The following PIP5K1A variants were observed in gnomAD, a reference collection of about 807,000 sequenced individuals.
PIP5K1A encodes phosphatidylinositol 4-phosphate 5-kinase type-1 alpha.
A neutral mutation model predicts 72.9 loss-of-function variants in PIP5K1A; 46 were observed. The ratio of observed to expected loss-of-function variants is 0.63; its 90% CI spans 0.50 to 0.81. The LOEUF is 0.81. Ranked by LOEUF, PIP5K1A falls within the 30% of genes least tolerant of loss-of-function variation. PIP5K1A has a pLI of 0.00. For missense variants in PIP5K1A, 458 were observed against 706.1 expected (o/e 0.65, Z 3.98); for synonymous variants, 228 against 255.1 (o/e 0.89, Z 1.01).
At chr1:151,225,747 G>T in intron 3 of PIP5K1A, among the ~76,000 whole-genome samples, 1 of 151,984 alleles carries the variant, frequency 6.6e-6, no homozygotes. Context: ...TGGGATTACA[G>T]GTGTGAGCCA....
At chr1:151,211,246 G>C (rs587652104) in intron 1 of PIP5K1A, among the ~76,000 whole-genome samples, 13 of 152,300 alleles carry the variant, frequency 8.5e-5, no homozygotes, top group South Asian at 4.1e-4. Flanking sequence ...CAGCACTTTG[G>C]GGGGCTGAGG....
At chr1:151,238,888 G>T (rs1400534779) in intron 10 of PIP5K1A, among the ~76,000 whole-genome samples, 1 of 152,088 alleles carries the variant, frequency 6.6e-6, no homozygotes, top group East Asian at 1.9e-4. Flanking sequence ...ATTTGTCAGG[G>T]ACATAAATTG....
intron 1 of PIP5K1A, among the ~76,000 whole-genome samples, chr1:151,204,698 T>C (rs1294672306): frequency 6.6e-6 from 1 of 152,242 alleles, no homozygotes; most frequent in Admixed American, 6.5e-5. Flanking sequence ...TTCTGTTTAC[T>C]CTCCATAGGG....
intron 3 of PIP5K1A, among the ~76,000 whole-genome samples, chr1:151,226,061 A>G (rs1255579318): frequency 1.4e-5 from 2 of 146,300 alleles, no homozygotes; most frequent in East Asian, 2.0e-4. Context: ...TTACAGGTGC[A>G]TGCCACACCA....
intron 14 of PIP5K1A, among the ~76,000 whole-genome samples, chr1:151,245,006 C>T (rs1187302206): frequency 6.6e-6 from 1 of 151,676 alleles, no homozygotes; most frequent in African/African-American, 2.4e-5. Flanking sequence ...ATCCTCCTCC[C>T]TCTGCCTCCT....
chr1:151,204,840 T>C (rs181163350), intron 1 of PIP5K1A, among the ~76,000 whole-genome samples: 11 of 152,368 alleles, frequency 7.2e-5, no homozygotes, highest in Admixed American at 3.9e-4. Flanking sequence ...TTGTCAGTTA[T>C]AATTAACTAG....
intron 1 of PIP5K1A, among the ~76,000 whole-genome samples, chr1:151,221,805 T>A (rs1688435088): frequency 6.6e-6 from 1 of 152,206 alleles, no homozygotes; most frequent in Admixed American, 6.5e-5. Context: ...GGTGCAGTGG[T>A]GCAGTCTGAT....
At chr1:151,219,851 C>CT (rs71237867) in intron 1 of PIP5K1A, among the ~76,000 whole-genome samples, 78,703 of 98,646 alleles carry the variant, frequency 0.8, 32,635 homozygotes, top group Non-Finnish European at 0.85. Flanking sequence ...ATATTCTTTC[C>CT]TTTTTTTTTT....
chr1:151,198,579 A>C lies in PIP5K1A; in HGVS notation c.-418A>C. The C allele has an allele frequency of 5.0e-6, 1 of 199,632 alleles. No individual in the cohort carries two copies. Among genetic ancestry groups the C allele is most frequent in the Non-Finnish European group, 1.0e-5 (1 of 95,376 alleles). 12.4% of individuals were successfully genotyped at this position (199,632 alleles called of 1,614,324 possible). A position where few individuals can be genotyped will look rare whatever the true frequency, so the allele number is the denominator to read the frequency against. On this transcript the variant is annotated 5_prime_UTR_variant, in exon 1 of 16. Transcript: ENST00000368888. ...TTTTTTGCTTGGCTACCCGGAGTGA[A>C]GCGGCCGGGTTGGGCGATTAACAGG... is the stretch of plus-strand genomic sequence containing the variant.
In PIP5K1A at chr1:151,198,978, G is replaced by C. The variant is rs587660322; in HGVS notation, c.-19G>C. 1.2e-6 allele frequency: 2 copies of C among 1,611,564 alleles called. No individual in the cohort carries two copies. The highest frequency in any genetic ancestry group is 1.7e-6 in the Non-Finnish European group (2 of 1,177,830). On this transcript the variant is annotated 5_prime_UTR_variant, in exon 1 of 16. Transcript: ENST00000368888. ...GATTGAAAGAGAGCCAGGCCGCTGA[G>C]GGGGAGGGGGCTGCTAAGATGGCGT... is the stretch of plus-strand genomic sequence containing the variant.
In PIP5K1A at chr1:151,239,993, A is replaced by G. The variant is rs753885253; in HGVS notation, c.1317A>G (p.Glu439=). Residue 439 remains glutamate (E), a synonymous_variant, in exon 12 of 16, where the codon GAA becomes GAG. Transcript: ENST00000368888. ...TGCATCGCCCAGGCTTCTACGCTGA[A>G]CGGTTCCAGCGCTTCATGTGCAACA... is the stretch of plus-strand genomic sequence containing the variant. ...VSVHRPGFYA[E]RFQRFMCNTV... is the part of the protein sequence containing the mutation. The G allele has an allele frequency of 1.9e-6, 3 of 1,612,902 alleles. No homozygotes were observed. In the East Asian group the frequency reaches 6.7e-5, roughly 36 times the overall value.
chr1:151,215,227 G>A (rs1358502542), intron 1 of PIP5K1A, among the ~76,000 whole-genome samples: 4 of 151,304 alleles, frequency 2.6e-5, no homozygotes, highest in Admixed American at 6.6e-5. Context: ...TAGTAAAGAC[G>A]GGGTTTCTCC....
intron 1 of PIP5K1A, among the ~76,000 whole-genome samples, chr1:151,203,594 G>A (rs912538922): frequency 1.3e-5 from 2 of 151,704 alleles, no homozygotes; most frequent in African/African-American, 4.8e-5. Context: ...GGGAGGCCGA[G>A]GTGGGCGGAT....
intron 4 of PIP5K1A, among the ~76,000 whole-genome samples, chr1:151,230,269 A>C (rs192776814): frequency 6.6e-6 from 1 of 152,334 alleles, no homozygotes; most frequent in Admixed American, 6.5e-5. Context: ...TAGTAGCCAC[A>C]CTTGAACTGT....
At chr1:151,247,253 G>T (rs1368691985) in intron 15 of PIP5K1A, among the ~76,000 whole-genome samples, 2 of 151,692 alleles carry the variant, frequency 1.3e-5, no homozygotes, top group African/African-American at 2.4e-5. Context: ...CTCAGCCTCT[G>T]GAGTAGCTGG....
chr1:151,245,130 C>T (rs1692307605), intron 14 of PIP5K1A, among the ~76,000 whole-genome samples: 1 of 152,052 alleles, frequency 6.6e-6, no homozygotes, highest in African/African-American at 2.4e-5. Flanking sequence ...TTTAATAGTC[C>T]TTCCCATAAT....
chr1:151,203,792 C>G (rs1359599403), intron 1 of PIP5K1A, among the ~76,000 whole-genome samples: 1 of 150,986 alleles, frequency 6.6e-6, no homozygotes, highest in African/African-American at 2.4e-5. Context: ...CCACTGTACT[C>G]CATCCTGGAG....
rs941039147 is a variant in PIP5K1A, at chr1:151,242,505, G to A, written c.1578G>A (p.Ser526=). 5.6e-6 allele frequency: 9 copies of A among 1,613,232 alleles called. No homozygotes were observed. The highest frequency in any genetic ancestry group is 1.3e-5 in the African/African-American group (1 of 74,998). The part of the protein sequence containing the change: ...TPPLEEISEG[S]PIPDPSFSPL... ...CTTTGGAGGAAATCAGTGAGGGCTC[G>A]CCTATTCCTGACCCCAGTTTCTCAC... Residue 526 remains serine (S), a synonymous_variant, in exon 14 of 16, where the codon TCG becomes TCA. Transcript: ENST00000368888.
chr1:151,233,234 C>T (rs981467087), intron 7 of PIP5K1A: 4 of 152,428 alleles, frequency 2.6e-5, no homozygotes, highest in African/African-American at 9.7e-5. Context: ...AGTGATCCTC[C>T]CACCTCAGCC....
Sources: allele counts gnomAD v4.1 joint callset (sites outside exome capture counted in the v4.1 genomes callset), GRCh38; gene constraint gnomAD v4.1.1; transcripts MANE v1.5; gene names NCBI Gene and HGNC (gene_info 2026-07-23, HGNC 2026-07-21).